Variants in MAP4 observed in about 807,000 individuals in gnomAD.
MAP4 encodes microtubule associated protein 4.
MAP4 carries 76 observed loss-of-function variants against 170.2 expected under a neutral mutation model. The observed-to-expected ratio is 0.45, with a 90% CI of 0.37 to 0.54. The LOEUF (loss-of-function observed/expected upper bound fraction) is 0.54, where lower values mean the gene tolerates loss of function less well. Ranked by LOEUF, MAP4 falls within the 20% of genes least tolerant of loss-of-function variation. MAP4 has a pLI of 0.00. For synonymous variants in MAP4, 909 were observed against 994.5 expected (o/e 0.91, Z 1.62); for missense variants, 2,506 against 2,748.0 (o/e 0.91, Z 1.97).
Position 47,916,908 on chromosome 3 carries a change from C to T in MAP4, c.919G>A (p.Glu307Lys), listed in dbSNP as rs1559454004. 1 of 1,614,240 alleles carries T rather than the reference C, an allele frequency of 6.2e-7. No individual in the cohort carries two copies. Among genetic ancestry groups the T allele is most frequent in the Admixed American group, 1.7e-5 (1 of 60,024 alleles). The part of the protein sequence containing the change: ...ESDMALVKDM[E>K]LPTEKEVALV... The stretch of plus-strand genomic sequence containing the variant: ...GCCACTTCTTTTTCTGTGGGTAGTT[C>T]CATGTCCTTGACTAGGGCCATATCT... The change falls in exon 7 of 21, where the codon GAA becomes AAA. Residue 307 changes from glutamate to lysine, a missense_variant. By Grantham distance (56) the Glu-to-Lys change is moderately conservative. Around this residue, in one of 3 missense-constraint regions of MAP4, gnomAD observed 2,008 missense variants for 2,206.0 expected, o/e 0.91. Coordinates refer to ENST00000683076, the MANE Select transcript of MAP4 (RefSeq NM_001385682.1).
Position 47,998,758 on chromosome 3 carries a change from C to A in MAP4, c.103G>T (p.Asp35Tyr). The A allele has an allele frequency of 6.2e-7, 1 of 1,614,048 alleles. No individual in the cohort carries two copies. The highest frequency in any genetic ancestry group is 8.5e-7 in the Non-Finnish European group (1 of 1,179,910). Residue 35 changes from aspartate (D) to tyrosine (Y), a missense_variant, in exon 2 of 21, where the codon GAT (aspartate) becomes TAT (tyrosine). Asp to Tyr is a radical substitution (Grantham distance 160). Around this residue, in one of 3 missense-constraint regions of MAP4, gnomAD observed 2,008 missense variants for 2,206.0 expected, o/e 0.91. Coordinates refer to ENST00000683076, the MANE Select transcript of MAP4 (RefSeq NM_001385682.1). ...FIATLEAEAF[D>Y]DVVGETVGKT... Reference sequence around the variant, plus strand: ...CCAACAGTTTCTCCCACAACATCATCAAAGGCCTCTGCCTCTAGTGTGGCA... The same window carrying A: ...CCAACAGTTTCTCCCACAACATCATAAAAGGCCTCTGCCTCTAGTGTGGCA...
chr3:48,073,163 T>C (rs926478372), intron 1 of MAP4, among the ~76,000 whole-genome samples: 1 of 151,092 alleles, frequency 6.6e-6, no homozygotes, highest in South Asian at 2.1e-4. Context: ...TGAGCAGAGA[T>C]TGTGCCACTG....
chr3:47,987,119 G>A (rs1241817581), intron 2 of MAP4, among the ~76,000 whole-genome samples: 1 of 152,148 alleles, frequency 6.6e-6, no homozygotes, highest in Non-Finnish European at 1.5e-5. Flanking sequence ...CACTTGATCT[G>A]CTTCTCCATG....
intron 1 of MAP4, among the ~76,000 whole-genome samples, chr3:48,029,231 AG>A (rs1323803099): frequency 6.6e-6 from 1 of 152,070 alleles, no homozygotes. Context: ...TGAGGTCAGG[AG>A]TTCAAGACCA....
At chr3:48,041,272 C>T (rs140926087) in intron 1 of MAP4, among the ~76,000 whole-genome samples, 43 of 152,050 alleles carry the variant, frequency 2.8e-4, no homozygotes, top group African/African-American at 8.4e-4. Flanking sequence ...CCACCATGCC[C>T]GGCTAATTTT....
At chr3:47,966,142 T>A (rs1277246512) in intron 3 of MAP4, among the ~76,000 whole-genome samples, 2 of 149,440 alleles carry the variant, frequency 1.3e-5, no homozygotes, top group Non-Finnish European at 3.0e-5. Context: ...TACTTTACCA[T>A]AGCTCACTGC....
intron 1 of MAP4, among the ~76,000 whole-genome samples, chr3:48,004,696 G>T (rs559019407): frequency 1.3e-5 from 2 of 152,300 alleles, no homozygotes. Context: ...GCATTGATTG[G>T]AAAAGAATGA....
intron 1 of MAP4, among the ~76,000 whole-genome samples, chr3:48,070,331 G>A (rs116122214): frequency 2.2e-3 from 335 of 150,200 alleles, no homozygotes; most frequent in African/African-American, 7.9e-3. Flanking sequence ...GCCCAACCAC[G>A]GTTTCTTTTT....
At chr3:47,880,256 CTAATT>C (rs2096459734) in intron 10 of MAP4, among the ~76,000 whole-genome samples, 1 of 135,946 alleles carries the variant, frequency 7.4e-6, no homozygotes, top group African/African-American at 2.9e-5. Context: ...CCACACCTGG[CTAATT>C]TTTTTTTTTT....
chr3:48,072,632 A>C (rs939649359), intron 1 of MAP4, among the ~76,000 whole-genome samples: 2 of 152,226 alleles, frequency 1.3e-5, no homozygotes, highest in African/African-American at 4.8e-5. Context: ...GATCCTTAGT[A>C]TTCTGAGTTC....
chr3:48,058,106 G>T (rs572582962), intron 1 of MAP4, among the ~76,000 whole-genome samples: 1 of 152,232 alleles, frequency 6.6e-6, no homozygotes, highest in East Asian at 1.9e-4. Flanking sequence ...AAACCTAACA[G>T]TTCCATTTCG....
At chr3:48,014,837 T>C (rs989727171) in intron 1 of MAP4, among the ~76,000 whole-genome samples, 1 of 152,070 alleles carries the variant, frequency 6.6e-6, no homozygotes, top group African/African-American at 2.4e-5. Flanking sequence ...AATTTAAAAG[T>C]GGGTAAGAAA....
At chr3:47,939,745 A>C (rs911014871) in intron 3 of MAP4, among the ~76,000 whole-genome samples, 44 of 151,930 alleles carry the variant, frequency 2.9e-4, no homozygotes, top group African/African-American at 1.0e-3. Context: ...CCTCTTGATC[A>C]AAAAATAAGT....
intron 2 of MAP4, among the ~76,000 whole-genome samples, chr3:47,979,217 C>A (rs529948304): frequency 6.7e-6 from 1 of 149,970 alleles, no homozygotes; most frequent in Admixed American, 6.7e-5. Flanking sequence ...AGTTTCTATT[C>A]CTGTACCTAA....
chr3:47,914,967 G>A (rs372790847), intron 7 of MAP4, 28 bp from the exon 8 acceptor site: 29 of 1,612,760 alleles, frequency 1.8e-5, no homozygotes, highest in Admixed American at 3.3e-5. Flanking sequence ...AGCCACACAC[G>A]TTTCAGAGAA....
chr3:47,914,993 T>C, intron 7 of MAP4, 54 bp from the exon 8 acceptor site: 1 of 1,609,470 alleles, frequency 6.2e-7, no homozygotes, highest in African/African-American at 1.3e-5. Context: ...ATTTCAGCTA[T>C]TTTCCATCTG....
intron 17 of MAP4, among the ~76,000 whole-genome samples, chr3:47,865,258 C>CT (rs1450901009): frequency 6.6e-6 from 1 of 152,188 alleles, no homozygotes; most frequent in African/African-American, 2.4e-5. Context: ...AAATATATCT[C>CT]TATGTCTCAC....
intron 1 of MAP4, among the ~76,000 whole-genome samples, chr3:48,044,265 C>T (rs1184310627): frequency 6.6e-6 from 1 of 151,688 alleles, no homozygotes; most frequent in African/African-American, 2.4e-5. Flanking sequence ...TGCCATTCTC[C>T]TGCCTCAGCC....
At chr3:47,903,128 C>T (rs1472511908) in intron 9 of MAP4, 128 bp from the exon 10 acceptor site, 2 of 163,974 alleles carry the variant, frequency 1.2e-5, no homozygotes, top group Non-Finnish European at 2.3e-5. Flanking sequence ...CTGTCACTCA[C>T]AGTTCTACTT....
Sources: gnomAD v4.1 joint callset for allele counts (sites outside exome capture counted in the v4.1 genomes callset) on GRCh38, gnomAD v4.1.1 for gene constraint, gnomAD v4.1.1 regional missense constraint, MANE v1.5 for transcripts, NCBI Gene and HGNC (gene_info 2026-07-23, HGNC 2026-07-21) for gene names.